Variants in CNOT9 observed in about 807,000 individuals in gnomAD.
The protein encoded by CNOT9 is RCD1 required for cell differentiation1 homolog.
CNOT9 carries 8 observed loss-of-function variants against 37.4 expected under a neutral mutation model. The ratio of observed to expected loss-of-function variants is 0.21; its 90% CI spans 0.13 to 0.39. The LOEUF (loss-of-function observed/expected upper bound fraction) is 0.39. CNOT9 is among the 10% of genes least tolerant of loss of function. CNOT9 has a pLI of 1.00. For synonymous variants in CNOT9, 120 were observed against 137.6 expected (o/e 0.87, Z 0.90); for missense variants, 154 against 365.3 (o/e 0.42, Z 4.71).
intron 7 of CNOT9, 161 bp from the exon 8 acceptor site, chr2:218,593,947 C>A: frequency 1.0e-6 from 1 of 956,356 alleles, no homozygotes; most frequent in Non-Finnish European, 1.5e-6. Flanking sequence ...GATCTCTAAG[C>A]CTATGCCTAA....
At chr2:218,577,127 A>G (rs1694200685) in intron 1 of CNOT9, among the ~76,000 whole-genome samples, 1 of 152,146 alleles carries the variant, frequency 6.6e-6, no homozygotes, top group East Asian at 1.9e-4. Flanking sequence ...TGTGCCTCAG[A>G]TTTTCCTTAT....
rs73077148 is a variant in CNOT9 at position 218,584,370 on chromosome 2, C to G, written c.321-242C>G. Among the ~76,000 whole-genome samples, 376 of 152,286 alleles carry G rather than the reference C, an allele frequency of 2.5e-3. 2 individuals carry two copies. Among genetic ancestry groups the G allele is most frequent in the African/African-American group, 8.6e-3 (358 of 41,572 alleles). Reference sequence around the variant, plus strand: ...TTCCCACTGGATGCCAATAGTGCTTCATAATCCTGAGTTGTGACAATCAAA... The same window carrying G: ...TTCCCACTGGATGCCAATAGTGCTTGATAATCCTGAGTTGTGACAATCAAA... On this transcript the variant is annotated intron_variant, in intron 3 of 7. Transcript: ENST00000273064.
intron 1 of CNOT9, among the ~76,000 whole-genome samples, chr2:218,579,967 C>T (rs1164401564): frequency 6.7e-6 from 1 of 149,634 alleles, no homozygotes; most frequent in African/African-American, 2.5e-5. Context: ...TACAGGCATG[C>T]ACCACCACAC....
chr2:218,585,635 T>C (rs1694563553), intron 4 of CNOT9, among the ~76,000 whole-genome samples: 1 of 2,630 alleles, frequency 3.8e-4, no homozygotes, highest in South Asian at 0.25. Flanking sequence ...TATTTTTTAT[T>C]TTATTTTTTT....
At chr2:218,590,320 C>G (rs1356671002) in intron 5 of CNOT9, among the ~76,000 whole-genome samples, 1 of 152,152 alleles carries the variant, frequency 6.6e-6, no homozygotes, top group African/African-American at 2.4e-5. Flanking sequence ...CTGCCTGCCT[C>G]CACCTCCCAA....
Position 218,587,572 on chromosome 2 carries a change from C to T in CNOT9, c.431-14C>T. 1 of 1,566,160 alleles carries T rather than the reference C, an allele frequency of 6.4e-7. No individual in the cohort carries two copies. Among genetic ancestry groups the T allele is most frequent in the Non-Finnish European group, 8.7e-7 (1 of 1,155,314 alleles). On this transcript the variant is annotated splice_polypyrimidine_tract_variant and intron_variant, in intron 4 of 7. Transcript: ENST00000273064. ...TAACTGTAAAATAATTTTGTTTGTC[C>T]TTATTTTCTTTAGGGGCCCTGGTGA... is the stretch of plus-strand genomic sequence containing the variant.
rs1020363501 is a variant in CNOT9, at chr2:218,568,912, C to T, written c.-43C>T. On this transcript the variant is annotated 5_prime_UTR_variant, in exon 1 of 8. Coordinates refer to ENST00000273064, the MANE Select transcript of CNOT9 (RefSeq NM_005444.3). ...GGGGTGCTGAAGGGGGGACGCGGGT[C>T]GGACGCGTCCGGCTGTGGAAGAGAG... The T allele has an allele frequency of 1.3e-6, 2 of 1,595,060 alleles. No homozygotes were observed. The highest frequency in any genetic ancestry group is 1.7e-5 in the Admixed American group (1 of 57,168).
chr2:218,570,170 G>A (rs549197523), intron 1 of CNOT9, among the ~76,000 whole-genome samples: 14 of 152,236 alleles, frequency 9.2e-5, no homozygotes, highest in African/African-American at 3.1e-4. Context: ...TGCCATGATG[G>A]GGAAAGGAGA....
chr2:218,574,978 A>G (rs1024369177), intron 1 of CNOT9, among the ~76,000 whole-genome samples: 1 of 152,160 alleles, frequency 6.6e-6, no homozygotes, highest in Non-Finnish European at 1.5e-5. Flanking sequence ...AGAGCCTCTT[A>G]GATTAGACTC....
intron 1 of CNOT9, among the ~76,000 whole-genome samples, chr2:218,576,563 C>G (rs959903502): frequency 6.6e-6 from 1 of 152,184 alleles, no homozygotes; most frequent in Non-Finnish European, 1.5e-5. Flanking sequence ...GTTCATAGTA[C>G]TGAGTGTTCT....
chr2:218,580,373 G>C (rs1341362081), intron 1 of CNOT9, among the ~76,000 whole-genome samples, 188 bp from the exon 2 acceptor site: 1 of 152,118 alleles, frequency 6.6e-6, no homozygotes, highest in Non-Finnish European at 1.5e-5. Flanking sequence ...ATTATCAAAG[G>C]GTATGTGTGC....
chr2:218,577,443 A>T (rs1694211238), intron 1 of CNOT9, among the ~76,000 whole-genome samples: 1 of 152,236 alleles, frequency 6.6e-6, no homozygotes, highest in African/African-American at 2.4e-5. Flanking sequence ...CACCCACCTG[A>T]CATGGTTCTA....
chr2:218,592,804 G>A lies in CNOT9; in HGVS notation c.731+97G>A. The A allele has an allele frequency of 1.1e-6, 1 of 945,224 alleles. No individual in the cohort carries two copies. Among genetic ancestry groups the A allele is most frequent in the Middle Eastern group, 2.3e-4 (1 of 4,370 alleles). The allele number at this position is 945,224 out of a possible 1,614,324, so 58.6% of individuals were successfully genotyped here. A position where few individuals can be genotyped will look rare whatever the true frequency, so the allele number is the denominator to read the frequency against. ...GCTCCTGTGTCTTTAGGACAGGGAAGTGGGGATATAACTGCATTTAGTTTG... is the reference window on the plus strand; with the variant it reads ...GCTCCTGTGTCTTTAGGACAGGGAAATGGGGATATAACTGCATTTAGTTTG... On this transcript the variant is annotated intron_variant, in intron 7 of 7. Transcript: ENST00000273064. This position sits in a 1 kb window ranked among gnomAD's most constrained non-coding sequence, Gnocchi z 4.1.
intron 1 of CNOT9, among the ~76,000 whole-genome samples, chr2:218,575,925 T>G (rs2106081448): frequency 6.6e-6 from 1 of 152,144 alleles, no homozygotes; most frequent in South Asian, 2.1e-4. Flanking sequence ...CAAAGAGTTG[T>G]AGCATCTGAA....
intron 4 of CNOT9, among the ~76,000 whole-genome samples, chr2:218,586,971 C>T (rs1694615482): frequency 1.3e-5 from 2 of 152,100 alleles, no homozygotes; most frequent in Admixed American, 1.3e-4. Context: ...AAGACATATA[C>T]TACCTGAGTT....
intron 5 of CNOT9, among the ~76,000 whole-genome samples, chr2:218,590,185 A>G (rs1318020360): frequency 6.6e-6 from 1 of 152,036 alleles, no homozygotes; most frequent in African/African-American, 2.4e-5. Flanking sequence ...CTCATGCCTC[A>G]GCCTCCTGAG....
At chr2:218,580,177 C>T (rs910515446) in intron 1 of CNOT9, among the ~76,000 whole-genome samples, 1 of 152,064 alleles carries the variant, frequency 6.6e-6, no homozygotes, top group Non-Finnish European at 1.5e-5. Flanking sequence ...CCATGTTGGC[C>T]AGGCTGGTCT....
intron 1 of CNOT9, 74 bp downstream of exon 1, chr2:218,569,052 C>G: frequency 3.3e-6 from 5 of 1,535,682 alleles, no homozygotes; most frequent in Admixed American, 3.5e-5. Context: ...TCTCCTAATT[C>G]CCGGTGTCGG....
chr2:218,571,580 T>TC (rs1263726009), intron 1 of CNOT9, among the ~76,000 whole-genome samples: 1 of 151,544 alleles, frequency 6.6e-6, no homozygotes, highest in Non-Finnish European at 1.5e-5. Context: ...GATTCTTTTT[T>TC]TTTTTTTTGA....
Sources: gnomAD v4.1 joint callset for allele counts (sites outside exome capture counted in the v4.1 genomes callset) on GRCh38, gnomAD v4.1.1 for gene constraint, Gnocchi (gnomAD v3.1) non-coding constraint, MANE v1.5 for transcripts, NCBI Gene and HGNC (gene_info 2026-07-23, HGNC 2026-07-21) for gene names.